The following GAP43 variants were observed in gnomAD, a reference collection of about 807,000 sequenced individuals.
GAP43 encodes growth associated protein 43, also known as neuromodulin.
GAP43 carries 6 observed loss-of-function variants against 18.6 expected under a neutral mutation model. The ratio of observed to expected loss-of-function variants is 0.32; its 90% CI spans 0.18 to 0.64. GAP43 has a LOEUF of 0.64. GAP43 is among the 30% of genes least tolerant of loss of function. The probability of loss-of-function intolerance (pLI) is 0.78; values close to 1 mark genes in which losing one functional copy is unlikely to be tolerated. For synonymous variants in GAP43, 115 were observed against 111.4 expected, an observed-to-expected ratio of 1.03 and a Z score of -0.20; for missense variants, 292 against 295.5, an observed-to-expected ratio of 0.99 and a Z score of 0.09.
intron 2 of GAP43, among the ~76,000 whole-genome samples, chr3:115,704,667 T>C (rs989483164): frequency 6.6e-6 from 1 of 151,986 alleles, no homozygotes; most frequent in African/African-American, 2.4e-5. Context: ...GGAGAGAGGA[T>C]TAGAGTAATA....
chr3:115,720,767 C>T lies in GAP43; in HGVS notation c.629-27C>T, dbSNP rs779684537. On this transcript the variant is annotated intron_variant, in intron 2 of 2. Coordinates refer to ENST00000305124, the MANE Select transcript of GAP43 (RefSeq NM_002045.4). ...AAAATACTAATTCTCTCCTTTTCCC[C>T]CCATCCTATCTTGTTTTCTTTCTCA... 2.6e-6 allele frequency: 4 copies of T among 1,526,528 alleles called. No individual in the cohort carries two copies. The Admixed American group carries it at 6.8e-5, about 26-fold the overall frequency. 94.6% of individuals were successfully genotyped at this position (1,526,528 alleles called of 1,614,324 possible).
intron 1 of GAP43, among the ~76,000 whole-genome samples, chr3:115,641,481 T>C (rs1708394976): frequency 6.7e-6 from 1 of 149,400 alleles, no homozygotes; most frequent in South Asian, 2.1e-4. Context: ...CATTTATATG[T>C]TTTGTGCATA....
At chr3:115,643,441 A>T (rs1218517846) in intron 1 of GAP43, among the ~76,000 whole-genome samples, 1 of 152,030 alleles carries the variant, frequency 6.6e-6, no homozygotes, top group African/African-American at 2.4e-5. Context: ...AATCCATTTC[A>T]GGTTCTATTG....
intron 1 of GAP43, among the ~76,000 whole-genome samples, chr3:115,665,605 C>T (rs1214775233): frequency 6.6e-6 from 1 of 152,092 alleles, no homozygotes; most frequent in Non-Finnish European, 1.5e-5. Flanking sequence ...CATTTCCCCC[C>T]ACCACAGCCC....
chr3:115,694,230 C>G (rs1709154816), intron 2 of GAP43, among the ~76,000 whole-genome samples: 1 of 152,194 alleles, frequency 6.6e-6, no homozygotes, highest in Non-Finnish European at 1.5e-5. Flanking sequence ...CCAGCTCCAC[C>G]CCGAAGCCAT....
chr3:115,691,867 T>C (rs1709119477), intron 2 of GAP43, among the ~76,000 whole-genome samples: 1 of 152,164 alleles, frequency 6.6e-6, no homozygotes, highest in African/African-American at 2.4e-5. Context: ...AATCTAGGGA[T>C]TCAATAGAAA....
At chr3:115,676,835 A>G (rs563646919) in intron 2 of GAP43, among the ~76,000 whole-genome samples, 30 of 152,364 alleles carry the variant, frequency 2.0e-4, no homozygotes, top group Admixed American at 1.4e-3. Context: ...AGGCAGGTCT[A>G]TGTAGCAGCC....
intron 1 of GAP43, among the ~76,000 whole-genome samples, chr3:115,671,251 A>G (rs80260074): frequency 6.6e-6 from 1 of 152,346 alleles, no homozygotes; most frequent in East Asian, 1.9e-4. Flanking sequence ...CTTTCCCCAA[A>G]GGAAAAGAAG....
intron 1 of GAP43, among the ~76,000 whole-genome samples, chr3:115,660,917 G>C (rs1708650090): frequency 1.3e-5 from 2 of 152,184 alleles, no homozygotes. Context: ...TTTTGTTTCT[G>C]TTGCCAGGTC....
chr3:115,706,881 C>G (rs1327907138), intron 2 of GAP43, among the ~76,000 whole-genome samples: 1 of 152,120 alleles, frequency 6.6e-6, no homozygotes, highest in Non-Finnish European at 1.5e-5. Flanking sequence ...GAAGATAACT[C>G]ATTTATTAGG....
At chr3:115,671,532 A>G (rs1708815223) in intron 1 of GAP43, among the ~76,000 whole-genome samples, 1 of 152,230 alleles carries the variant, frequency 6.6e-6, no homozygotes. Context: ...CAAATCAGTC[A>G]GTAAAAAATA....
In GAP43 at chr3:115,635,703, G is replaced by T. The variant is rs541229715; in HGVS notation, c.30+11984G>T. ...CAGAAAAGAATCCAAGAAGTACTCT[G>T]CAGGACTAGGTATGAAAAGAAAAAA... On this transcript the variant is annotated intron_variant, in intron 1 of 2. Transcript: ENST00000305124. Among the ~76,000 whole-genome samples, 12 of 151,464 alleles carry T rather than the reference G, an allele frequency of 7.9e-5. No individual in the cohort carries two copies. In the East Asian group the frequency reaches 2.3e-3, roughly 29 times the overall value.
chr3:115,668,731 C>T (rs1708765540), intron 1 of GAP43, among the ~76,000 whole-genome samples: 1 of 152,010 alleles, frequency 6.6e-6, no homozygotes, highest in Admixed American at 6.5e-5. Flanking sequence ...GCCACTTTCA[C>T]CAGTTTTGCT....
chr3:115,697,984 CGTGTGTGT>C (rs62915860), intron 2 of GAP43, among the ~76,000 whole-genome samples: 12 of 110,902 alleles, frequency 1.1e-4, no homozygotes, highest in Admixed American at 5.6e-4. Flanking sequence ...AGTACATGTG[CGTGTGTGT>C]GTGTGTGTGT....
At chr3:115,629,756 A>T (rs767862383) in intron 1 of GAP43, among the ~76,000 whole-genome samples, 6 of 152,172 alleles carry the variant, frequency 3.9e-5, no homozygotes, top group Non-Finnish European at 7.3e-5. Context: ...AAAATAACTC[A>T]TGTTAACCAT....
At chr3:115,661,845 T>TTTTTTTTTTTC (rs1553721649) in intron 1 of GAP43, among the ~76,000 whole-genome samples, 1 of 150,008 alleles carries the variant, frequency 6.7e-6, no homozygotes, top group Non-Finnish European at 1.5e-5. Flanking sequence ...TTTTTTTTTT[T>TTTTTTTTTTTC]ACCTGGGAGC....
intron 1 of GAP43, among the ~76,000 whole-genome samples, chr3:115,668,880 A>C (rs1001827007): frequency 6.6e-6 from 1 of 152,012 alleles, no homozygotes; most frequent in Non-Finnish European, 1.5e-5. Flanking sequence ...CCATCTCTAC[A>C]AAAAATATAA....
chr3:115,626,225 A>G (rs1708186106), intron 1 of GAP43, among the ~76,000 whole-genome samples: 1 of 152,186 alleles, frequency 6.6e-6, no homozygotes, highest in Admixed American at 6.5e-5. Flanking sequence ...TCATCGTAGT[A>G]CTTAACAGGG....
intron 1 of GAP43, chr3:115,663,487 C>A (rs1032486819): frequency 3.5e-6 from 4 of 1,147,736 alleles, no homozygotes; most frequent in Non-Finnish European, 2.1e-6. Context: ...TATTGCTTTC[C>A]CTGCTCTCTG....
Sources: gnomAD v4.1 joint callset for allele counts (sites outside exome capture counted in the v4.1 genomes callset) on GRCh38, gnomAD v4.1.1 for gene constraint, MANE v1.5 for transcripts, NCBI Gene and HGNC (gene_info 2026-07-23, HGNC 2026-07-21) for gene names.